Variants in STIM2 observed in about 807,000 individuals in gnomAD.
The protein encoded by STIM2 is stromal interaction molecule 2.
Under a neutral mutation model 85.8 loss-of-function variants are expected in STIM2, and 31 were observed. That is an observed-to-expected ratio of 0.36 (90% confidence interval 0.27 to 0.49). STIM2 has a LOEUF of 0.49. Ranked by LOEUF, STIM2 falls within the 20% of genes least tolerant of loss-of-function variation. The pLI, the probability that STIM2 is intolerant of heterozygous loss-of-function variation, is 0.98. For synonymous variants in STIM2, 356 were observed against 331.1 expected (o/e 1.08, Z -0.82); for missense variants, 841 against 927.6 (o/e 0.91, Z 1.21).
chr4:27,022,666 A>T lies in STIM2; in HGVS notation c.1911A>T (p.Arg637=). The T allele has an allele frequency of 6.2e-7, 1 of 1,614,190 alleles. No individual in the cohort carries two copies. The highest frequency in any genetic ancestry group is 1.1e-5 in the South Asian group (1 of 91,068). The change falls in exon 12 of 12, where the codon CGA becomes CGT. Residue 637 remains arginine (R), a synonymous_variant. Transcript: ENST00000467087. ...AGGTGTCCCTAGAGGATTCCTCCCG[A>T]GGGGATTCGCCTGTAACTGTGGATG...
At chr4:26,984,191 T>G (rs1727499936) in intron 3 of STIM2, among the ~76,000 whole-genome samples, 1 of 152,232 alleles carries the variant, frequency 6.6e-6, no homozygotes, top group South Asian at 2.1e-4. Context: ...ATCCATTCAC[T>G]CGTCCAATAA....
chr4:26,978,315 G>A (rs1168687005), intron 3 of STIM2, among the ~76,000 whole-genome samples: 1 of 146,802 alleles, frequency 6.8e-6, no homozygotes, highest in African/African-American at 2.5e-5. Context: ...CTATATATAT[G>A]AATATATATT....
chr4:27,002,847 G>T, intron 6 of STIM2, 80 bp from the exon 7 acceptor site: 1 of 1,190,726 alleles, frequency 8.4e-7, no homozygotes, highest in South Asian at 2.0e-5. Flanking sequence ...TTAATCGCTT[G>T]ACCCAGTATT....
rs1202333703 is a variant in STIM2, at chr4:26,974,816, A to C, written c.397+17090A>C. Among the ~76,000 whole-genome samples, 4 of 152,170 alleles carry C rather than the reference A, an allele frequency of 2.6e-5. No homozygotes were observed. In the East Asian group the frequency reaches 5.8e-4, roughly 22 times the overall value. ...TAGGTTGGGGGTGTTCTCCTGGATA[A>C]TATACTGAAGAGTGTTTTCCAACTT... On this transcript the variant is annotated intron_variant, in intron 3 of 11. Coordinates refer to ENST00000467087, the MANE Select transcript of STIM2 (RefSeq NM_020860.4).
chr4:26,928,061 G>A (rs975487603), intron 2 of STIM2, among the ~76,000 whole-genome samples: 3 of 151,858 alleles, frequency 2.0e-5, no homozygotes, highest in East Asian at 1.9e-4. Context: ...CTCCTTGAAT[G>A]CTGCGTTGCC....
chr4:26,862,318 GTTT>G (rs71186494), intron 1 of STIM2, among the ~76,000 whole-genome samples: 28,257 of 145,576 alleles, frequency 0.19, 2,829 homozygotes, highest in East Asian at 0.41. Context: ...TAAAATAATG[GTTT>G]TTTTTTTTTT....
At chr4:26,903,564 T>C (rs189390864) in intron 1 of STIM2, among the ~76,000 whole-genome samples, 74 of 152,258 alleles carry the variant, frequency 4.9e-4, no homozygotes, top group Admixed American at 2.4e-3. Flanking sequence ...GACAAGAGCA[T>C]AAAATTATAA....
chr4:26,959,651 T>C (rs1465982580), intron 3 of STIM2, among the ~76,000 whole-genome samples: 1 of 152,200 alleles, frequency 6.6e-6, no homozygotes, highest in Non-Finnish European at 1.5e-5. Flanking sequence ...TCCTTTTTGT[T>C]TTCCCACCCT....
chr4:26,875,737 G>A (rs975603645), intron 1 of STIM2, among the ~76,000 whole-genome samples: 2 of 152,146 alleles, frequency 1.3e-5, no homozygotes, highest in African/African-American at 2.4e-5. Context: ...TTATGGGGAT[G>A]TTCTTGAAAA....
chr4:26,867,145 C>G (rs556119468), intron 1 of STIM2, among the ~76,000 whole-genome samples: 1 of 152,078 alleles, frequency 6.6e-6, no homozygotes, highest in South Asian at 2.1e-4. Context: ...TTTATAAAAT[C>G]GACTTTATTC....
chr4:26,979,596 A>G (rs1296562725), intron 3 of STIM2, among the ~76,000 whole-genome samples: 3 of 152,216 alleles, frequency 2.0e-5, no homozygotes, highest in African/African-American at 7.2e-5. Context: ...CAACTATAAA[A>G]TTTAGAGGGT....
chr4:26,936,381 TG>T (rs1725392495), intron 2 of STIM2, among the ~76,000 whole-genome samples: 1 of 152,214 alleles, frequency 6.6e-6, no homozygotes, highest in Non-Finnish European at 1.5e-5. Flanking sequence ...AGAGCATTTG[TG>T]GTCATGTATC....
chr4:27,022,371 C>T, intron 11 of STIM2, 148 bp from the exon 12 acceptor site: 1 of 572,556 alleles, frequency 1.7e-6, no homozygotes, highest in Non-Finnish European at 3.0e-6. Flanking sequence ...AAGTAATGTT[C>T]TAATTTTGCT....
intron 11 of STIM2, chr4:27,021,727 T>C: frequency 2.3e-6 from 1 of 427,356 alleles, no homozygotes; most frequent in Non-Finnish European, 4.7e-6. Context: ...TAGGAAGCCG[T>C]TGCAATCATT....
Position 26,861,214 on chromosome 4 carries a change from C to G in STIM2, c.-5C>G. 6.8e-7 allele frequency: 1 copy of G among 1,479,706 alleles called. No individual in the cohort carries two copies. Among genetic ancestry groups the G allele is most frequent in the Non-Finnish European group, 8.9e-7 (1 of 1,120,234 alleles). 91.7% of individuals were successfully genotyped at this position (1,479,706 alleles called of 1,614,324 possible). A position where few individuals can be genotyped will look rare whatever the true frequency, so the allele number is the denominator to read the frequency against. The stretch of plus-strand genomic sequence containing the variant: ...TGGCTGCTGCGGCGGCGGCGCTGGG[C>G]TGCGTTGCTGGTGCTCGGGCTGCTG... On this transcript the variant is annotated 5_prime_UTR_variant, in exon 1 of 12. Coordinates refer to ENST00000467087, the MANE Select transcript of STIM2 (RefSeq NM_020860.4).
intron 3 of STIM2, among the ~76,000 whole-genome samples, chr4:26,980,525 G>A (rs2109112938): frequency 6.6e-6 from 1 of 150,566 alleles, no homozygotes; most frequent in Middle Eastern, 3.5e-3. Flanking sequence ...AAATCAATCA[G>A]TTGCCAGAGA....
intron 1 of STIM2, chr4:26,874,123 C>T (rs1722729149): frequency 3.7e-6 from 2 of 546,452 alleles, no homozygotes; most frequent in East Asian, 3.9e-5. Context: ...TGCCCTGGCT[C>T]TGGGGTTTCC....
chr4:26,861,071 G>T lies in STIM2; in HGVS notation c.-148G>T. The T allele has an allele frequency of 8.4e-7, 1 of 1,187,008 alleles. No homozygotes were observed. Among genetic ancestry groups the T allele is most frequent in the Non-Finnish European group, 1.0e-6 (1 of 961,824 alleles). 73.5% of individuals were successfully genotyped at this position (1,187,008 alleles called of 1,614,324 possible). ...GGGGGCGGCCGGAGGAGTCGCCGGC[G>T]GCGGTGGTGGCGCCTCGCGGAGCCG... On this transcript the variant is annotated 5_prime_UTR_variant, in exon 1 of 12. Coordinates refer to ENST00000467087, the MANE Select transcript of STIM2 (RefSeq NM_020860.4).
At chr4:26,888,523 C>G (rs1161289918) in intron 1 of STIM2, among the ~76,000 whole-genome samples, 1 of 152,144 alleles carries the variant, frequency 6.6e-6, no homozygotes, top group Non-Finnish European at 1.5e-5. Context: ...ATAACAGTTA[C>G]AGTTTTCTGT....
Sources: allele counts gnomAD v4.1 joint callset (sites outside exome capture counted in the v4.1 genomes callset), GRCh38; gene constraint gnomAD v4.1.1; transcripts MANE v1.5; gene names NCBI Gene and HGNC (gene_info 2026-07-23, HGNC 2026-07-21).